SLC44A5: variants seen among roughly 807,000 people sequenced by gnomAD.
The protein encoded by SLC44A5 is choline transporter-like protein 5.
Under a neutral mutation model 101.8 loss-of-function variants are expected in SLC44A5, and 57 were observed. That is an observed-to-expected ratio of 0.56 (90% CI 0.45 to 0.70). The LOEUF is 0.70. Among genes scored for constraint, SLC44A5 ranks in the 30% least tolerant of loss-of-function variants. The probability of loss-of-function intolerance (pLI) is 0.00; values close to 1 mark genes in which losing one functional copy is unlikely to be tolerated. For synonymous variants in SLC44A5, 281 were observed against 290.9 expected (o/e 0.97, Z 0.35); for missense variants, 737 against 853.1 (o/e 0.86, Z 1.70).
chr1:75,475,510 T>A (rs971379546), intron 2 of SLC44A5, among the ~76,000 whole-genome samples: 3 of 152,238 alleles, frequency 2.0e-5, no homozygotes, highest in Non-Finnish European at 2.9e-5. Context: ...CCAGCCAGAA[T>A]TCCAAACCAA....
chr1:75,520,420 A>C (rs1247838637), intron 2 of SLC44A5, among the ~76,000 whole-genome samples: 1 of 152,222 alleles, frequency 6.6e-6, no homozygotes, highest in African/African-American at 2.4e-5. Flanking sequence ...CAAATTTTGA[A>C]ATTGTTCTTT....
chr1:75,681,093 C>G, the SLC44A5 span, among the ~76,000 whole-genome samples: 4 of 151,820 alleles, frequency 2.6e-5, no homozygotes, highest in Admixed American at 2.6e-4. Flanking sequence ...AGACCAATAA[C>G]AGGATCTGAA....
chr1:75,224,790 A>C (rs1647163482), intron 13 of SLC44A5, among the ~76,000 whole-genome samples: 2 of 151,966 alleles, frequency 1.3e-5, no homozygotes, highest in African/African-American at 4.8e-5. Context: ...AAAACTTTAA[A>C]AATAGAAAAA....
At chr1:75,522,785 C>T (rs1198779633) in intron 2 of SLC44A5, among the ~76,000 whole-genome samples, 10 of 152,208 alleles carry the variant, frequency 6.6e-5, no homozygotes, top group Admixed American at 6.5e-4. Context: ...CTTTCTGTGA[C>T]TTAAATTGTA....
At chr1:75,298,297 G>A (rs597364) in intron 5 of SLC44A5, among the ~76,000 whole-genome samples, 120,776 of 151,774 alleles carry the variant, frequency 0.8, 48,283 homozygotes, top group East Asian at 0.92. Flanking sequence ...TTAAAAAAAA[G>A]GTATATATAT....
intron 2 of SLC44A5, among the ~76,000 whole-genome samples, chr1:75,508,111 G>A (rs1669371374): frequency 6.6e-6 from 1 of 151,958 alleles, no homozygotes; most frequent in South Asian, 2.1e-4. Flanking sequence ...TTGACCACAT[G>A]CTCAGCCATA....
chr1:75,304,575 T>C (rs1021753356), intron 4 of SLC44A5, among the ~76,000 whole-genome samples: 1 of 152,194 alleles, frequency 6.6e-6, no homozygotes, highest in African/African-American at 2.4e-5. Context: ...TCAGAGCATC[T>C]GTCACAATCC....
At chr1:75,426,994 G>A (rs965302337) in intron 2 of SLC44A5, among the ~76,000 whole-genome samples, 11 of 152,184 alleles carry the variant, frequency 7.2e-5, no homozygotes, top group South Asian at 2.1e-4. Context: ...GCACCACTTG[G>A]TTCTGCCTCT....
At position 75,575,782 on chromosome 1, in the gene SLC44A5, G is replaced by A. The variant is rs149137955; in HGVS notation, c.-69-34266C>T. On this transcript the variant is annotated intron_variant, in intron 1 of 23. Coordinates refer to ENST00000370859, the MANE Select transcript of SLC44A5 (RefSeq NM_001130058.2). ...TAATTGACAAAAGAATACCTAAACA[G>A]CTGCTGTGTGGTGAGTTAACCATAA... Among the ~76,000 whole-genome samples the A allele has an allele frequency of 2.6e-5, 4 of 152,260 alleles. No individual in the cohort carries two copies. The East Asian group carries it at 7.7e-4, about 29-fold the overall frequency.
At chr1:75,619,925 T>C in the SLC44A5 span, among the ~76,000 whole-genome samples, 1 of 152,200 alleles carries the variant, frequency 6.6e-6, no homozygotes, top group African/African-American at 2.4e-5. Flanking sequence ...GGTGGTTTGC[T>C]GCATCCATCA....
intron 4 of SLC44A5, among the ~76,000 whole-genome samples, chr1:75,331,055 T>A (rs978670388): frequency 2.0e-5 from 3 of 151,664 alleles, no homozygotes; most frequent in African/African-American, 7.3e-5. Context: ...CTGTACTGAT[T>A]CTTCCACCTC....
intron 6 of SLC44A5, among the ~76,000 whole-genome samples, chr1:75,273,088 T>C (rs550993299): frequency 2.2e-4 from 33 of 152,286 alleles, no homozygotes; most frequent in African/African-American, 7.9e-4. Context: ...CTTGTAGAGA[T>C]CTTTCACCTT....
At chr1:75,540,425 T>C (rs1438241421) in intron 2 of SLC44A5, among the ~76,000 whole-genome samples, 1 of 152,206 alleles carries the variant, frequency 6.6e-6, no homozygotes, top group African/African-American at 2.4e-5. Context: ...GGGCAGAGGC[T>C]CTGGACACAG....
intron 4 of SLC44A5, chr1:75,311,704 G>T (rs1655313714): frequency 4.6e-6 from 1 of 215,132 alleles, no homozygotes; most frequent in African/African-American, 2.4e-5. Flanking sequence ...TCCCAGTTTA[G>T]TCTGGGGAAC....
chr1:75,421,471 C>T (rs1013558524), intron 2 of SLC44A5, among the ~76,000 whole-genome samples: 1 of 152,096 alleles, frequency 6.6e-6, no homozygotes. Context: ...AGTTAATCCT[C>T]TTATTTTATT....
At chr1:75,619,912 C>T in the SLC44A5 span, among the ~76,000 whole-genome samples, 3 of 152,078 alleles carry the variant, frequency 2.0e-5, no homozygotes, top group Non-Finnish European at 1.5e-5. Flanking sequence ...ATTCACGTGC[C>T]ATGGTGGTTT....
intron 2 of SLC44A5, among the ~76,000 whole-genome samples, chr1:75,422,055 TTGTTAAAACCACTGGTG>T (rs1411613556): frequency 1.3e-5 from 2 of 152,090 alleles, no homozygotes; most frequent in Non-Finnish European, 2.9e-5. Flanking sequence ...CAAGAAATAC[TTGTTAAAACCACTGGTG>T]TGTGTGTGTG....
chr1:75,259,075 T>A (rs1309898698), intron 6 of SLC44A5, among the ~76,000 whole-genome samples: 1 of 152,016 alleles, frequency 6.6e-6, no homozygotes, highest in Admixed American at 6.5e-5. Context: ...TGGGGGGAAA[T>A]CAGCACAAAA....
intron 2 of SLC44A5, among the ~76,000 whole-genome samples, chr1:75,538,702 G>A (rs1671187903): frequency 6.6e-6 from 1 of 152,194 alleles, no homozygotes; most frequent in African/African-American, 2.4e-5. Flanking sequence ...CTGTTTAAAT[G>A]TCTGTTGGCT....
Sources: gnomAD v4.1 joint callset for allele counts (sites outside exome capture counted in the v4.1 genomes callset) on GRCh38, gnomAD v4.1.1 for gene constraint, MANE v1.5 for transcripts, NCBI Gene and HGNC (gene_info 2026-07-23, HGNC 2026-07-21) for gene names.